The following KATNIP variants were observed in gnomAD, a reference collection of about 807,000 sequenced individuals.
The protein encoded by KATNIP is katanin interacting protein, also known as katanin-interacting protein.
A neutral mutation model predicts 174.0 loss-of-function variants in KATNIP; 126 were observed. That is an observed-to-expected ratio of 0.72 (90% CI 0.63 to 0.84). The LOEUF is 0.84. KATNIP is among the 40% of genes least tolerant of loss of function. The pLI is 0.00. For missense variants in KATNIP, 1,958 were observed against 2,109.7 expected (o/e 0.93, Z 1.41); for synonymous variants, 810 against 835.7 (o/e 0.97, Z 0.53).
At chr16:27,772,567 C>T (rs1462150004) in intron 22 of KATNIP, among the ~76,000 whole-genome samples, 1 of 152,226 alleles carries the variant, frequency 6.6e-6, no homozygotes, top group Non-Finnish European at 1.5e-5. Context: ...TGGTGGTCTC[C>T]TTGCCCCGGC....
Position 27,750,322 on chromosome 16 carries a change from A to G in KATNIP, c.3346+16A>G, listed in dbSNP as rs2081458366. 6.3e-7 allele frequency: 1 copy of G among 1,585,310 alleles called. No individual in the cohort carries two copies. The highest frequency in any genetic ancestry group is 8.6e-7 in the Non-Finnish European group (1 of 1,165,686). On this transcript the variant is annotated intron_variant, in intron 16 of 27. Transcript: ENST00000261588. ...CTGGCGGGAGGTATGGCGTGTCTGT[A>G]AGAATTTTCTCAGAGCCCCTATCTG...
chr16:27,654,718 A>C (rs983198907), intron 6 of KATNIP: 1 of 1,352,020 alleles, frequency 7.4e-7, no homozygotes, highest in Admixed American at 1.9e-5. Context: ...GGATCCTCTT[A>C]ACTATTCAGG....
At chr16:27,735,415 A>G (rs1015719964) in intron 14 of KATNIP, among the ~76,000 whole-genome samples, 3 of 151,838 alleles carry the variant, frequency 2.0e-5, no homozygotes, top group African/African-American at 4.8e-5. Flanking sequence ...ATCACCCACT[A>G]CCTCTTTAAA....
chr16:27,697,148 T>G (rs944926638), intron 8 of KATNIP, among the ~76,000 whole-genome samples: 5 of 152,224 alleles, frequency 3.3e-5, no homozygotes, highest in Admixed American at 1.3e-4. Context: ...TAGGATGATT[T>G]ATATTCCTTT....
At chr16:27,607,116 C>T (rs1432541297) in intron 2 of KATNIP, among the ~76,000 whole-genome samples, 3 of 152,114 alleles carry the variant, frequency 2.0e-5, no homozygotes, top group African/African-American at 7.2e-5. Context: ...ATGGAATGCA[C>T]TGGCCGGGCC....
chr16:27,760,174 C>T (rs1349731022), intron 18 of KATNIP, among the ~76,000 whole-genome samples: 2 of 152,166 alleles, frequency 1.3e-5, no homozygotes, highest in East Asian at 1.9e-4. Flanking sequence ...CCAGATGACA[C>T]CCTGCTTCCT....
chr16:27,699,534 G>A lies in KATNIP; in HGVS notation c.1114G>A (p.Asp372Asn). The A allele has an allele frequency of 1.2e-6, 2 of 1,614,128 alleles. No individual in the cohort carries two copies. The highest frequency in any genetic ancestry group is 2.7e-5 in the African/African-American group (2 of 75,056). Residue 372 changes from aspartate to asparagine, a missense_variant and splice_region_variant, in exon 10 of 28, where the codon GAT becomes AAT. This residue lies in a region of KATNIP where 1,557 missense variants were observed against 1,617.8 expected (regional missense o/e 0.96). Coordinates refer to ENST00000261588, the MANE Select transcript of KATNIP (RefSeq NM_015202.5). ...KAEQPASPLQ[D>N]AEGPPAKPWT... ...ACATCATGTGATCACATCCTTCCAG[G>A]ATGCAGAAGGACCACCAGCAAAACC...
intron 2 of KATNIP, among the ~76,000 whole-genome samples, chr16:27,615,565 G>A (rs1218560131): frequency 4.6e-5 from 7 of 151,900 alleles, no homozygotes; most frequent in South Asian, 2.1e-4. Context: ...CATGTTAGCC[G>A]GGATGGTCTC....
chr16:27,562,706 A>AT (rs1491541500), intron 1 of KATNIP, among the ~76,000 whole-genome samples: 12 of 152,234 alleles, frequency 7.9e-5, no homozygotes, highest in Non-Finnish European at 1.8e-4. Context: ...TCTGATGGAT[A>AT]CAGAGATAGA....
chr16:27,580,672 C>T (rs2090664589), intron 2 of KATNIP, among the ~76,000 whole-genome samples: 1 of 151,126 alleles, frequency 6.6e-6, no homozygotes, highest in Non-Finnish European at 1.5e-5. Flanking sequence ...CCATTCCCCT[C>T]ATGCAATACA....
rs2082558996 is a variant in KATNIP, at chr16:27,777,905, C to A, written c.4737C>A (p.Val1579=). 1 of 1,614,070 alleles carries A rather than the reference C, an allele frequency of 6.2e-7. No individual in the cohort carries two copies. The highest frequency in any genetic ancestry group is 1.3e-5 in the African/African-American group (1 of 74,942). The change falls in exon 27 of 28, where the codon GTC becomes GTA. Residue 1579 remains valine (V), a synonymous_variant. Transcript: ENST00000261588. The surrounding 1 kb of genome is among the most constrained non-coding windows in gnomAD (Gnocchi z 4.4). ...TISNQAEDQD[V]QMMNENQIIT... ...GTAATCAGGCCGAGGATCAAGATGTCCAGATGATGAATGAAAACCAAATCA... is the reference window on the plus strand; with the variant it reads ...GTAATCAGGCCGAGGATCAAGATGTACAGATGATGAATGAAAACCAAATCA...
Position 27,750,223 on chromosome 16 carries a change from G to T in KATNIP, c.3263G>T (p.Gly1088Val). Residue 1088 changes from glycine (G) to valine (V), a missense_variant, in exon 16 of 28, where the codon GGC becomes GTC. Gly to Val is a moderately radical substitution (Grantham distance 109, BLOSUM62 -3). Transcript: ENST00000261588. ...AAATCTCGGATACATTCCTTCCGAG[G>T]CGTGAAGGACATCACAATGCTGTTA... ...YNKSRIHSFR[G>V]VKDITMLLDT... 1 of 1,614,028 alleles carries T rather than the reference G, an allele frequency of 6.2e-7. No individual in the cohort carries two copies. The highest frequency in any genetic ancestry group is 2.2e-5 in the East Asian group (1 of 44,866).
At chr16:27,645,121 G>A (rs770961904) in intron 5 of KATNIP, among the ~76,000 whole-genome samples, 1 of 152,176 alleles carries the variant, frequency 6.6e-6, no homozygotes, top group Non-Finnish European at 1.5e-5. Flanking sequence ...TTCACTACCA[G>A]AGGACATGGT....
chr16:27,652,667 G>A (rs1303326920), intron 6 of KATNIP, among the ~76,000 whole-genome samples: 3 of 151,950 alleles, frequency 2.0e-5, no homozygotes, highest in African/African-American at 7.3e-5. Context: ...ATAAAAATTA[G>A]CCAGGTGTAG....
At chr16:27,683,889 ATC>A (rs2078433881) in intron 8 of KATNIP, among the ~76,000 whole-genome samples, 1 of 152,080 alleles carries the variant, frequency 6.6e-6, no homozygotes, top group African/African-American at 2.4e-5. Flanking sequence ...ATCTGAACCA[ATC>A]TAAATGGCTT....
At chr16:27,654,706 AAGGATCCTCTTAACTATTC>A in intron 6 of KATNIP, 1 of 1,352,014 alleles carries the variant, frequency 7.4e-7, no homozygotes, top group Middle Eastern at 2.1e-4. Context: ...TGGACAAAGA[AAGGATCCTCTTAACTATTC>A]AGGATGTGAT....
chr16:27,631,876 G>A (rs1415752339), intron 5 of KATNIP, among the ~76,000 whole-genome samples: 1 of 152,220 alleles, frequency 6.6e-6, no homozygotes, highest in African/African-American at 2.4e-5. Context: ...GTGTGCTGAT[G>A]TCAGGAGCTT....
At chr16:27,691,639 G>A (rs2142914110) in intron 8 of KATNIP, among the ~76,000 whole-genome samples, 1 of 152,348 alleles carries the variant, frequency 6.6e-6, no homozygotes, top group Non-Finnish European at 1.5e-5. Context: ...GGACGGTTCT[G>A]GAAAGCCAGG....
At chr16:27,666,535 A>G (rs1295862138) in intron 6 of KATNIP, among the ~76,000 whole-genome samples, 1 of 152,098 alleles carries the variant, frequency 6.6e-6, no homozygotes, top group Non-Finnish European at 1.5e-5. Flanking sequence ...CTCCTGCCTC[A>G]GCCTCCTGAG....
Sources: allele counts gnomAD v4.1 joint callset (sites outside exome capture counted in the v4.1 genomes callset), GRCh38; gene constraint gnomAD v4.1.1; regional missense constraint gnomAD v4.1.1; non-coding constraint Gnocchi (gnomAD v3.1); transcripts MANE v1.5; gene names NCBI Gene and HGNC (gene_info 2026-07-23, HGNC 2026-07-21).